Variants in DPP6 observed in about 807,000 individuals in gnomAD.
The protein encoded by DPP6 is dipeptidyl peptidase like 6, also known as A-type potassium channel modulatory protein DPP6.
DPP6 carries 69 observed loss-of-function variants against 122.6 expected under a neutral mutation model. The observed-to-expected ratio is 0.56, with a 90% CI of 0.46 to 0.69. The LOEUF (loss-of-function observed/expected upper bound fraction) is 0.69. Among genes scored for constraint, DPP6 ranks in the 30% least tolerant of loss-of-function variants. The pLI is 0.00. For synonymous variants in DPP6, 418 were observed against 433.1 expected (o/e 0.97, Z 0.43); for missense variants, 928 against 1,116.9 (o/e 0.83, Z 2.41).
At chr7:154,147,510 C>G (rs1250198557) in intron 1 of DPP6, among the ~76,000 whole-genome samples, 1 of 150,266 alleles carries the variant, frequency 6.7e-6, no homozygotes, top group Admixed American at 6.6e-5. Context: ...CTGTCGGAGT[C>G]TTACTCTCGC....
At chr7:153,789,705 A>G in the DPP6 span, among the ~76,000 whole-genome samples, 1 of 152,316 alleles carries the variant, frequency 6.6e-6, no homozygotes, top group Admixed American at 6.5e-5. Context: ...TAAAGTTTTG[A>G]AGTAGAAATA....
At chr7:154,527,562 T>G (rs1321708866) in intron 3 of DPP6, among the ~76,000 whole-genome samples, 1 of 152,220 alleles carries the variant, frequency 6.6e-6, no homozygotes, top group Non-Finnish European at 1.5e-5. Context: ...TAGAACACTG[T>G]TTCTATTGCT....
chr7:154,190,969 GTTAA>G (rs1271650310), intron 1 of DPP6, among the ~76,000 whole-genome samples: 1 of 152,090 alleles, frequency 6.6e-6, no homozygotes, highest in Non-Finnish European at 1.5e-5. Context: ...AAAAGGAAAA[GTTAA>G]TTCATGAAAT....
At chr7:154,840,739 A>G (rs1801460178) in intron 16 of DPP6, among the ~76,000 whole-genome samples, 1 of 152,024 alleles carries the variant, frequency 6.6e-6, no homozygotes, top group Non-Finnish European at 1.5e-5. Flanking sequence ...TCATTACCAA[A>G]CTTCATTTCA....
At chr7:154,062,210 CG>C (rs1802075748) in intron 1 of DPP6, among the ~76,000 whole-genome samples, 1 of 98,372 alleles carries the variant, frequency 1.0e-5, no homozygotes, top group Non-Finnish European at 2.2e-5. Context: ...TGGAGGACTG[CG>C]GGTGTTAGGT....
chr7:154,868,569 C>G lies in DPP6; in HGVS notation c.1813+476C>G, dbSNP rs187194022. Among the ~76,000 whole-genome samples the G allele has an allele frequency of 9.2e-5, 14 of 152,334 alleles. No homozygotes were observed. In the East Asian group the frequency reaches 2.7e-3, roughly 29 times the overall value. ...ATGCTTCTCACTCTGCCTTTCTCTG[C>G]CTGTGCCCTTCTTTCCTTGAACTGT... On this transcript the variant is annotated intron_variant, in intron 18 of 25. Coordinates refer to ENST00000377770, the MANE Select transcript of DPP6 (RefSeq NM_130797.4).
intron 1 of DPP6, among the ~76,000 whole-genome samples, chr7:154,016,430 C>G (rs1259734971): frequency 6.7e-6 from 1 of 148,472 alleles, no homozygotes; most frequent in African/African-American, 2.5e-5. Context: ...AGCCAAGTAA[C>G]TGGTATGCGT....
intron 3 of DPP6, among the ~76,000 whole-genome samples, chr7:154,511,915 G>C (rs1020326756): frequency 3.3e-5 from 5 of 152,128 alleles, no homozygotes; most frequent in African/African-American, 1.2e-4. Context: ...TTTAAGTTAC[G>C]AGTGAAGCAC....
rs149270211 is a variant in DPP6 at position 154,760,458 on chromosome 7, G to A, written c.884-8959G>A. 7.0e-4 allele frequency among the ~76,000 whole-genome samples: 107 copies of A among 152,244 alleles called. 1 individual carries two copies. In the South Asian group the frequency reaches 8.3e-3, roughly 12 times the overall value. On this transcript the variant is annotated intron_variant, in intron 8 of 25. Transcript: ENST00000377770. This position sits in a 1 kb window ranked among gnomAD's most constrained non-coding sequence, Gnocchi z 4.5. ...TCAGCCAGTTCTCTTATCTCGGGGCGGAGGGAGCGTCAGTGTTTCAGCAGG... is the reference window on the plus strand; with the variant it reads ...TCAGCCAGTTCTCTTATCTCGGGGCAGAGGGAGCGTCAGTGTTTCAGCAGG...
chr7:153,845,286 G>C, the DPP6 span, among the ~76,000 whole-genome samples: 1 of 151,982 alleles, frequency 6.6e-6, no homozygotes, highest in Admixed American at 6.6e-5. Context: ...TTTTAAGCTA[G>C]ATTATTAGGT....
At chr7:153,829,958 C>G in the DPP6 span, among the ~76,000 whole-genome samples, 23 of 152,338 alleles carry the variant, frequency 1.5e-4, no homozygotes, top group Middle Eastern at 3.4e-3. Flanking sequence ...GCCTTGCCAT[C>G]AGGCAGCCAC....
rs1585176098 is a variant in DPP6, at chr7:154,013,634, A to G, written c.51+125900A>G. On this transcript the variant is annotated intron_variant, in intron 1 of 25. Transcript: ENST00000404039. ...TAACATTCTTACTTTATGTGGACAA[A>G]CCTTTAGAGGCTGGCCTCTCTGTAG... Among the ~76,000 whole-genome samples the G allele has an allele frequency of 7.9e-5, 12 of 151,810 alleles. No individual in the cohort carries two copies. In the South Asian group the frequency reaches 2.5e-3, roughly 32 times the overall value.
At chr7:154,086,005 C>T (rs1162036499) in intron 1 of DPP6, among the ~76,000 whole-genome samples, 1 of 151,820 alleles carries the variant, frequency 6.6e-6, no homozygotes, top group African/African-American at 2.4e-5. Flanking sequence ...AGATTACAGG[C>T]GTGAGCCACC....
At chr7:153,767,116 A>G in the DPP6 span, among the ~76,000 whole-genome samples, 1 of 50,864 alleles carries the variant, frequency 2.0e-5, no homozygotes, top group African/African-American at 6.3e-5. Flanking sequence ...GAAGGAAGTC[A>G]GGGGTGAAAA....
chr7:154,412,497 C>G (rs986848582), intron 1 of DPP6, among the ~76,000 whole-genome samples: 7 of 152,102 alleles, frequency 4.6e-5, no homozygotes, highest in African/African-American at 1.2e-4. Flanking sequence ...CTCATTTAAC[C>G]TTAATTGCCT....
intron 1 of DPP6, among the ~76,000 whole-genome samples, chr7:154,380,142 A>T (rs1013037331): frequency 9.9e-5 from 15 of 152,264 alleles, no homozygotes; most frequent in Admixed American, 9.8e-4. Context: ...GATTAAAAAA[A>T]TAGATGCAAA....
intron 1 of DPP6, among the ~76,000 whole-genome samples, chr7:154,374,066 G>A (rs73495222): frequency 0.032 from 4,836 of 152,252 alleles, 137 homozygotes; most frequent in African/African-American, 0.067. Flanking sequence ...ACAGGAGGCT[G>A]TGCTTCCAGA....
Position 153,920,563 on chromosome 7 carries a change from C to CTTTT in DPP6, c.51+32843_51+32846dup, listed in dbSNP as rs61553100. The stretch of plus-strand genomic sequence containing the variant: ...GTCAACCTTTTTCTTTTATCTCTCT[C>CTTTT]TTTTTTTTTTTTTTTTTGAGATGGA... On this transcript the variant is annotated intron_variant, in intron 1 of 25. Coordinates refer to the DPP6 transcript ENST00000404039. 2.3e-5 allele frequency among the ~76,000 whole-genome samples: 2 copies of CTTTT among 88,682 alleles called. 1 individual carries two copies. Among genetic ancestry groups the CTTTT allele is most frequent in the Non-Finnish European group, 4.0e-5 (2 of 49,384 alleles). 58.2% of individuals were successfully genotyped at this position (88,682 alleles called of 152,430 possible). A position where few individuals can be genotyped will look rare whatever the true frequency, so the allele number is the denominator to read the frequency against.
At position 154,680,684 on chromosome 7, in the gene DPP6, ATAT is replaced by A; in HGVS notation, c.762+11245_762+11247del. On this transcript the variant is annotated intron_variant, in intron 7 of 25. Transcript: ENST00000377770. ...TCTTGGTTAAAGCAACATTATATAT[ATAT>A]TTTTTTTAAAAAAAAATTAAAAAGA... Among the ~76,000 whole-genome samples the A allele has an allele frequency of 1.1e-4, 2 of 17,840 alleles. 1 individual carries two copies. Among genetic ancestry groups the A allele is most frequent in the Admixed American group, 2.2e-3 (2 of 894 alleles). The allele number at this position is 17,840 out of a possible 152,430, so 11.7% of individuals were successfully genotyped here. A position where few individuals can be genotyped will look rare whatever the true frequency, so the allele number is the denominator to read the frequency against.
Sources: allele counts gnomAD v4.1 joint callset (sites outside exome capture counted in the v4.1 genomes callset), GRCh38; gene constraint gnomAD v4.1.1; non-coding constraint Gnocchi (gnomAD v3.1); transcripts MANE v1.5; gene names NCBI Gene and HGNC (gene_info 2026-07-23, HGNC 2026-07-21).